Variants in FER observed in about 807,000 individuals in gnomAD.
The protein encoded by FER is tyrosine-protein kinase Fer.
A neutral mutation model predicts 111.0 loss-of-function variants in FER; 63 were observed. The observed-to-expected ratio is 0.57, with a 90% CI of 0.46 to 0.70. The LOEUF (loss-of-function observed/expected upper bound fraction) is 0.70, where lower values mean the gene tolerates loss of function less well. FER is among the 30% of genes least tolerant of loss of function. The pLI is 0.00. For missense variants in FER, 914 were observed against 954.0 expected (o/e 0.96, Z 0.55); for synonymous variants, 327 against 313.9 (o/e 1.04, Z -0.44).
intron 5 of FER, among the ~76,000 whole-genome samples, chr5:108,839,086 T>C (rs1760964972): frequency 6.6e-6 from 1 of 152,144 alleles, no homozygotes. Flanking sequence ...TAGTAAAGGA[T>C]TCCCCCACTG....
intron 8 of FER, among the ~76,000 whole-genome samples, chr5:108,881,574 T>C (rs1765679177): frequency 6.6e-6 from 1 of 152,130 alleles, no homozygotes; most frequent in Admixed American, 6.6e-5. Flanking sequence ...ATAGGCTGGA[T>C]GGCTGAAACA....
At chr5:108,972,404 C>T (rs1760777644) in intron 13 of FER, among the ~76,000 whole-genome samples, 1 of 152,190 alleles carries the variant, frequency 6.6e-6, no homozygotes, top group African/African-American at 2.4e-5. Context: ...TGAGGCAGAA[C>T]ATCTCGCATG....
At chr5:108,759,037 C>A (rs1336054605) in intron 1 of FER, among the ~76,000 whole-genome samples, 1 of 152,184 alleles carries the variant, frequency 6.6e-6, no homozygotes, top group Non-Finnish European at 1.5e-5. Flanking sequence ...AGCTTTAAGA[C>A]TAGGATCTCT....
At chr5:108,821,354 C>T (rs1422704923) in intron 3 of FER, among the ~76,000 whole-genome samples, 6 of 151,686 alleles carry the variant, frequency 4.0e-5, no homozygotes, top group Admixed American at 3.9e-4. Context: ...TCAATTCCTG[C>T]TGTATTTATA....
At chr5:108,905,083 A>G (rs1750561110) in intron 10 of FER, among the ~76,000 whole-genome samples, 1 of 152,130 alleles carries the variant, frequency 6.6e-6, no homozygotes, top group African/African-American at 2.4e-5. Context: ...CCATTCATCA[A>G]TAGCCATTTT....
Position 108,855,476 on chromosome 5 carries a change from C to G in FER, c.482-12291C>G, listed in dbSNP as rs1240949093. Among the ~76,000 whole-genome samples the G allele has an allele frequency of 2.0e-5, 3 of 151,626 alleles. No individual in the cohort carries two copies. In the East Asian group the frequency reaches 5.9e-4, roughly 30 times the overall value. ...TCTGCTAAAAAATACAAAAAATTAG[C>G]CGGGCGCGGTGGTGGGCGCCTGTAG... On this transcript the variant is annotated intron_variant, in intron 5 of 19. Coordinates refer to ENST00000281092, the MANE Select transcript of FER (RefSeq NM_005246.4).
intron 10 of FER, among the ~76,000 whole-genome samples, chr5:108,923,035 A>G (rs114349901): frequency 0.016 from 2,414 of 152,168 alleles, 54 homozygotes; most frequent in African/African-American, 0.056. Flanking sequence ...AACTTTCTGT[A>G]CCTCAGTTTT....
chr5:108,989,471 A>T (rs973356855), intron 13 of FER, among the ~76,000 whole-genome samples: 4 of 152,062 alleles, frequency 2.6e-5, no homozygotes, highest in Non-Finnish European at 5.9e-5. Flanking sequence ...ATATTTTATT[A>T]TGAATCCAAT....
chr5:108,969,609 A>ATTTTTTTTTTTTTTTTT (rs1160968356), intron 13 of FER, among the ~76,000 whole-genome samples: 1 of 148,870 alleles, frequency 6.7e-6, no homozygotes, highest in African/African-American at 2.6e-5. Context: ...TTACATTTTA[A>ATTTTTTTTTTTTTTTTT]TTTTTTTGAA....
chr5:108,788,782 T>G (rs1561420543), intron 2 of FER, among the ~76,000 whole-genome samples: 2 of 152,180 alleles, frequency 1.3e-5, no homozygotes, highest in Non-Finnish European at 2.9e-5. Flanking sequence ...AAGGTAAAAC[T>G]TGCAGCTGAA....
At chr5:108,845,047 TATATATATATATATATATATAC>T (rs1761862947) in intron 5 of FER, among the ~76,000 whole-genome samples, 31 of 44,820 alleles carry the variant, frequency 6.9e-4, no homozygotes, top group African/African-American at 2.9e-3. Context: ...TATACATATA[TATATATATATATATATATATAC>T]ACACACACAC....
intron 16 of FER, among the ~76,000 whole-genome samples, chr5:109,069,543 C>T (rs970046562): frequency 6.6e-6 from 1 of 151,968 alleles, no homozygotes; most frequent in African/African-American, 2.4e-5. Context: ...TTGTCTCTAC[C>T]CCCTGAGTAT....
intron 13 of FER, among the ~76,000 whole-genome samples, chr5:108,972,288 G>C (rs1760761058): frequency 6.6e-6 from 1 of 151,964 alleles, no homozygotes; most frequent in Admixed American, 6.6e-5. Flanking sequence ...AGAGAGAAGA[G>C]GGTACCTTCT....
chr5:109,095,000 T>C (rs2150052845), intron 16 of FER, among the ~76,000 whole-genome samples: 1 of 152,196 alleles, frequency 6.6e-6, no homozygotes, highest in Non-Finnish European at 1.5e-5. Flanking sequence ...AACTTAAAAA[T>C]ACAGTGAAAT....
intron 10 of FER, among the ~76,000 whole-genome samples, chr5:108,907,495 A>G (rs1750955956): frequency 6.6e-6 from 1 of 151,788 alleles, no homozygotes; most frequent in Non-Finnish European, 1.5e-5. Flanking sequence ...GGGTTTTATC[A>G]TCTTGTTCAG....
chr5:109,009,172 C>T (rs1561765700), intron 13 of FER, among the ~76,000 whole-genome samples: 2 of 150,934 alleles, frequency 1.3e-5, no homozygotes, highest in Admixed American at 6.6e-5. Flanking sequence ...CTTAGTCTCC[C>T]AAGTAGGTGC....
intron 5 of FER, among the ~76,000 whole-genome samples, chr5:108,836,484 C>A (rs1205223288): frequency 6.6e-6 from 1 of 151,946 alleles, no homozygotes; most frequent in Non-Finnish European, 1.5e-5. Flanking sequence ...GTGCCTAAAC[C>A]ACTCATATTT....
At chr5:109,025,989 T>C (rs1473384899) in intron 13 of FER, among the ~76,000 whole-genome samples, 1 of 152,188 alleles carries the variant, frequency 6.6e-6, no homozygotes, top group Non-Finnish European at 1.5e-5. Flanking sequence ...AACTGTTGGC[T>C]CTGAGAGTTT....
At chr5:108,994,117 C>G (rs922555202) in intron 13 of FER, among the ~76,000 whole-genome samples, 5 of 152,120 alleles carry the variant, frequency 3.3e-5, no homozygotes, top group African/African-American at 1.2e-4. Flanking sequence ...TTCAGAAGCT[C>G]TTTAGTTTAA....
Sources: gnomAD v4.1 joint callset for allele counts (sites outside exome capture counted in the v4.1 genomes callset) on GRCh38, gnomAD v4.1.1 for gene constraint, MANE v1.5 for transcripts, NCBI Gene and HGNC (gene_info 2026-07-23, HGNC 2026-07-21) for gene names.